ACCSL: variants seen among roughly 807,000 people sequenced by gnomAD.
ACCSL encodes the protein probable inactive 1-aminocyclopropane-1-carboxylate synthase-like protein 2.
Under a neutral mutation model 61.7 loss-of-function variants are expected in ACCSL, and 55 were observed. The observed-to-expected ratio is 0.89, with a 90% CI of 0.72 to 1.12. The LOEUF is 1.12. Among genes scored for constraint, ACCSL ranks in the 50% most tolerant of loss-of-function variants. ACCSL has a pLI of 0.00. For missense variants in ACCSL, 632 were observed against 698.0 expected (o/e 0.91, Z 1.07); for synonymous variants, 258 against 264.3 (o/e 0.98, Z 0.23).
the ACCSL span, among the ~76,000 whole-genome samples, chr11:43,960,015 T>C: frequency 6.6e-6 from 1 of 152,134 alleles, no homozygotes; most frequent in African/African-American, 2.4e-5. Flanking sequence ...CAGGAGCTTT[T>C]TGGGACCAGC....
At chr11:44,029,022 A>C in the ACCSL span, among the ~76,000 whole-genome samples, 7 of 152,224 alleles carry the variant, frequency 4.6e-5, no homozygotes, top group Non-Finnish European at 1.0e-4. Flanking sequence ...GGCAGTGATC[A>C]TGCTGAGCAC....
rs555737691 is a variant in ACCSL, at chr11:44,059,249, AAAAC to A, written c.1624+562_1624+565del. On this transcript the variant is annotated intron_variant, in intron 13 of 13. Transcript: ENST00000378832. The stretch of plus-strand genomic sequence containing the variant: ...AGAGTGAGACTGTTTCAAGAAAACA[AAAAC>A]AAACAAACAAAACCCGAAAAAAGTA... Among the ~76,000 whole-genome samples the A allele has an allele frequency of 2.0e-3, 307 of 152,296 alleles. 1 individual carries two copies. Among genetic ancestry groups the A allele is most frequent in the African/African-American group, 7.1e-3 (296 of 41,562 alleles).
chr11:43,933,017 C>T, the ACCSL span: 1 of 453,472 alleles, frequency 2.2e-6, no homozygotes, highest in African/African-American at 2.0e-5. Flanking sequence ...GGGCTTGGTA[C>T]TACCTGGGAA....
the ACCSL span, among the ~76,000 whole-genome samples, chr11:43,950,591 A>G: frequency 6.6e-6 from 1 of 152,200 alleles, no homozygotes; most frequent in Non-Finnish European, 1.5e-5. Context: ...TGGTCTTAAG[A>G]TAGTGGGTGT....
the ACCSL span, among the ~76,000 whole-genome samples, chr11:43,953,612 A>G: frequency 1.3e-5 from 2 of 151,638 alleles, no homozygotes; most frequent in South Asian, 2.1e-4. Flanking sequence ...GGGTGTCCTC[A>G]CTGTTCATTA....
chr11:43,981,552 A>G, the ACCSL span, among the ~76,000 whole-genome samples: 1 of 152,212 alleles, frequency 6.6e-6, no homozygotes, highest in Non-Finnish European at 1.5e-5. Flanking sequence ...TCCTAATGCA[A>G]CACTACATAT....
the ACCSL span, among the ~76,000 whole-genome samples, chr11:44,013,239 A>C: frequency 1.3e-5 from 2 of 152,266 alleles, no homozygotes; most frequent in African/African-American, 4.8e-5. Context: ...TTATCTATGC[A>C]TAGGAAACTT....
chr11:43,958,511 T>C, the ACCSL span, among the ~76,000 whole-genome samples: 1 of 152,200 alleles, frequency 6.6e-6, no homozygotes, highest in African/African-American at 2.4e-5. Flanking sequence ...GTGATAAAAC[T>C]CTGGTCTCCT....
chr11:44,032,913 G>A, the ACCSL span, among the ~76,000 whole-genome samples: 1 of 152,176 alleles, frequency 6.6e-6, no homozygotes, highest in East Asian at 1.9e-4. Flanking sequence ...CTCCCCCGAG[G>A]GAGACGCGGG....
At chr11:43,949,939 T>C in the ACCSL span, among the ~76,000 whole-genome samples, 4 of 152,234 alleles carry the variant, frequency 2.6e-5, no homozygotes, top group Non-Finnish European at 5.9e-5. Context: ...TGAATTGAGC[T>C]GATGTGAGCT....
the ACCSL span, among the ~76,000 whole-genome samples, chr11:43,951,265 A>G: frequency 6.6e-6 from 1 of 152,306 alleles, no homozygotes; most frequent in African/African-American, 2.4e-5. Flanking sequence ...TTTATAATCC[A>G]AAGAGTGGGA....
chr11:43,959,386 T>C, the ACCSL span, among the ~76,000 whole-genome samples: 1 of 152,246 alleles, frequency 6.6e-6, no homozygotes, highest in Non-Finnish European at 1.5e-5. Context: ...GGCCTCAAGA[T>C]GGACTGCTAG....
the ACCSL span, among the ~76,000 whole-genome samples, chr11:44,013,483 G>A: frequency 6.6e-6 from 1 of 152,028 alleles, no homozygotes; most frequent in Admixed American, 6.5e-5. Context: ...GGTGGAGGGG[G>A]GCGCTTGCCA....
At chr11:43,968,616 T>C in the ACCSL span, among the ~76,000 whole-genome samples, 1 of 152,224 alleles carries the variant, frequency 6.6e-6, no homozygotes, top group Non-Finnish European at 1.5e-5. Context: ...TTGAGATGTT[T>C]TAATTTAATC....
chr11:43,937,996 G>T, the ACCSL span, among the ~76,000 whole-genome samples: 1 of 152,174 alleles, frequency 6.6e-6, no homozygotes, highest in East Asian at 1.9e-4. Context: ...AAACACAGAA[G>T]TCTAGGGCAG....
chr11:44,029,956 C>T, the ACCSL span, among the ~76,000 whole-genome samples: 3 of 145,084 alleles, frequency 2.1e-5, no homozygotes, highest in East Asian at 4.0e-4. Context: ...AAACCAGGGT[C>T]CCCTGGGCCT....
At chr11:44,008,469 A>G in the ACCSL span, among the ~76,000 whole-genome samples, 11 of 152,358 alleles carry the variant, frequency 7.2e-5, no homozygotes, top group Middle Eastern at 3.4e-3. Context: ...TCTGCCCCAC[A>G]GGGGCTGTCC....
At chr11:43,944,539 G>A in the ACCSL span, 1 of 152,778 alleles carries the variant, frequency 6.5e-6, no homozygotes, top group Admixed American at 6.5e-5. Flanking sequence ...TTTGGTTAGA[G>A]CCTGAAGGGC....
the ACCSL span, among the ~76,000 whole-genome samples, chr11:43,947,460 A>G: frequency 6.6e-6 from 1 of 152,122 alleles, no homozygotes; most frequent in African/African-American, 2.4e-5. Flanking sequence ...CGCAGCTCCA[A>G]GGAGAGGCAG....
Sources: allele counts gnomAD v4.1 joint callset (sites outside exome capture counted in the v4.1 genomes callset), GRCh38; gene constraint gnomAD v4.1.1; transcripts MANE v1.5; gene names NCBI Gene and HGNC (gene_info 2026-07-23, HGNC 2026-07-21).